The following ZBBX variants were observed in gnomAD, a reference collection of about 807,000 sequenced individuals.
The protein encoded by ZBBX is zinc finger B-box domain containing.
A neutral mutation model predicts 108.5 loss-of-function variants in ZBBX; 101 were observed. The ratio of observed to expected loss-of-function variants is 0.93; its 90% CI spans 0.79 to 1.10. The LOEUF is 1.10. Among genes scored for constraint, ZBBX ranks in the 50% least tolerant of loss-of-function variants. The probability of loss-of-function intolerance (pLI) is 0.00; values close to 1 mark genes in which losing one functional copy is unlikely to be tolerated. For missense variants in ZBBX, 1,009 were observed against 941.4 expected (o/e 1.07, Z -0.94); for synonymous variants, 356 against 323.4 (o/e 1.10, Z -1.08).
the ZBBX span, among the ~76,000 whole-genome samples, chr3:167,189,394 T>A: frequency 6.6e-6 from 1 of 152,160 alleles, no homozygotes; most frequent in African/African-American, 2.4e-5. Flanking sequence ...GACGGATGTC[T>A]GCAAGCCCAG....
At chr3:167,320,122 T>G (rs965211037) in intron 12 of ZBBX, among the ~76,000 whole-genome samples, 1 of 151,724 alleles carries the variant, frequency 6.6e-6, no homozygotes, top group Non-Finnish European at 1.5e-5. Flanking sequence ...AGATCTTTGT[T>G]TCTGAGCACC....
chr3:167,256,731 T>C (rs914151965), intron 20 of ZBBX, among the ~76,000 whole-genome samples: 1 of 152,030 alleles, frequency 6.6e-6, no homozygotes, highest in African/African-American at 2.4e-5. Flanking sequence ...TATAATTGTC[T>C]TTCTGTGCCT....
At chr3:167,266,265 C>CT (rs1348557675) in intron 20 of ZBBX, among the ~76,000 whole-genome samples, 1 of 152,120 alleles carries the variant, frequency 6.6e-6, no homozygotes, top group African/African-American at 2.4e-5. Context: ...CAATATTCTA[C>CT]TTTTTTTGGT....
At chr3:167,369,443 A>G (rs1329308429) in intron 4 of ZBBX, among the ~76,000 whole-genome samples, 1 of 152,210 alleles carries the variant, frequency 6.6e-6, no homozygotes, top group Non-Finnish European at 1.5e-5. Context: ...CGGGCCAAGG[A>G]TATGTCCTAA....
the ZBBX span, among the ~76,000 whole-genome samples, chr3:167,183,065 GA>G: frequency 6.6e-6 from 1 of 152,134 alleles, no homozygotes; most frequent in South Asian, 2.1e-4. Flanking sequence ...GAAAGATCTG[GA>G]GGGTTAGCCA....
intron 8 of ZBBX, among the ~76,000 whole-genome samples, chr3:167,351,113 A>C (rs1742568263): frequency 6.6e-6 from 1 of 152,114 alleles, no homozygotes; most frequent in Non-Finnish European, 1.5e-5. Context: ...AGAAAAAAAT[A>C]CTAGATGGAA....
intron 20 of ZBBX, among the ~76,000 whole-genome samples, chr3:167,250,738 C>T (rs1005706011): frequency 4.6e-5 from 7 of 152,140 alleles, no homozygotes; most frequent in African/African-American, 9.6e-5. Context: ...TGTACATCTT[C>T]AGAGGGGAGA....
intron 9 of ZBBX, among the ~76,000 whole-genome samples, chr3:167,338,896 T>G (rs1740053925): frequency 6.6e-6 from 1 of 152,136 alleles, no homozygotes; most frequent in Non-Finnish European, 1.5e-5. Context: ...AAGGCTTTAT[T>G]TACAAAATCA....
At chr3:167,224,403 A>G in the ZBBX span, among the ~76,000 whole-genome samples, 2 of 151,940 alleles carry the variant, frequency 1.3e-5, no homozygotes, top group Admixed American at 1.3e-4. Flanking sequence ...TGTTGTCACT[A>G]TACGGTGACT....
intron 16 of ZBBX, among the ~76,000 whole-genome samples, chr3:167,311,108 C>T (rs1246710388): frequency 6.6e-6 from 1 of 151,902 alleles, no homozygotes; most frequent in Non-Finnish European, 1.5e-5. Flanking sequence ...TAAATGTAGA[C>T]AAATAGATAA....
chr3:167,399,117 A>G (rs771805679), intron 1 of ZBBX, among the ~76,000 whole-genome samples: 1 of 151,824 alleles, frequency 6.6e-6, no homozygotes, highest in African/African-American at 2.4e-5. Context: ...CTCAGCCTCT[A>G]TTTAGTAAGA....
intron 1 of ZBBX, among the ~76,000 whole-genome samples, chr3:167,402,590 G>A (rs927905436): frequency 3.9e-5 from 6 of 151,914 alleles, no homozygotes; most frequent in African/African-American, 1.5e-4. Flanking sequence ...TAGGACTCAC[G>A]CGCAAGGGAA....
At chr3:167,256,586 C>T (rs1288411726) in intron 20 of ZBBX, among the ~76,000 whole-genome samples, 1 of 149,500 alleles carries the variant, frequency 6.7e-6, no homozygotes, top group African/African-American at 2.5e-5. Context: ...ACCCATTAAC[C>T]ATCCCACCTC....
chr3:167,236,388 A>T (rs2108295233), downstream of ZBBX, among the ~76,000 whole-genome samples: 1 of 151,876 alleles, frequency 6.6e-6, no homozygotes, highest in South Asian at 2.1e-4. Flanking sequence ...CAAAGATTAC[A>T]GCATAAGCTC....
chr3:167,183,430 C>T, the ZBBX span, among the ~76,000 whole-genome samples: 1 of 152,184 alleles, frequency 6.6e-6, no homozygotes, highest in Non-Finnish European at 1.5e-5. Context: ...CTTGCCAAGA[C>T]CAGCTCGATC....
chr3:167,309,888 C>T (rs76792826), intron 16 of ZBBX, among the ~76,000 whole-genome samples: 1 of 152,190 alleles, frequency 6.6e-6, no homozygotes, highest in Non-Finnish European at 1.5e-5. Flanking sequence ...TTCTTTTCTA[C>T]CACATGGTCA....
chr3:167,371,585 A>C (rs887519227), intron 4 of ZBBX, among the ~76,000 whole-genome samples: 1 of 152,198 alleles, frequency 6.6e-6, no homozygotes, highest in Admixed American at 6.5e-5. Context: ...CACAGTGTAT[A>C]GAAAATGCAC....
In ZBBX at chr3:167,317,517, G is replaced by A. The variant is rs774672114; in HGVS notation, c.1064C>T (p.Ser355Phe). The part of the protein sequence containing the change: ...PHETTGDAQC[S>F]QNENDEDSDG... Reference sequence around the variant, plus strand: ...ACTATCTTCATCGTTTTCATTTTGAGAACACTGTGCATCACCAGTGGTTTC... The same window carrying A: ...ACTATCTTCATCGTTTTCATTTTGAAAACACTGTGCATCACCAGTGGTTTC... The change falls in exon 13 of 22, where the codon TCT becomes TTT. Residue 355 changes from serine (S) to phenylalanine (F), a missense_variant. Transcript: ENST00000675490. 28 of 1,608,698 alleles carry A rather than the reference G, an allele frequency of 1.7e-5. No homozygotes were observed. Among genetic ancestry groups the A allele is most frequent in the Non-Finnish European group, 2.4e-5 (28 of 1,177,626 alleles).
At chr3:167,280,028 G>A (rs1576874056) in intron 20 of ZBBX, among the ~76,000 whole-genome samples, 1 of 151,898 alleles carries the variant, frequency 6.6e-6, no homozygotes, top group Admixed American at 6.6e-5. Context: ...ATGGTGCTGG[G>A]AAAACTGGCT....
Sources: allele counts gnomAD v4.1 joint callset (sites outside exome capture counted in the v4.1 genomes callset), GRCh38; gene constraint gnomAD v4.1.1; transcripts MANE v1.5; gene names NCBI Gene and HGNC (gene_info 2026-07-23, HGNC 2026-07-21).